The following PITPNA variants were observed in gnomAD, a reference collection of about 807,000 sequenced individuals.
PITPNA encodes the protein phosphatidylinositol transfer protein alpha isoform.
PITPNA carries 13 observed loss-of-function variants against 50.3 expected under a neutral mutation model. That is an observed-to-expected ratio of 0.26 (90% CI 0.17 to 0.41). PITPNA has a LOEUF of 0.41. PITPNA is among the 10% of genes least tolerant of loss of function. The pLI, the probability that PITPNA is intolerant of heterozygous loss-of-function variation, is 1.00. For synonymous variants in PITPNA, 120 were observed against 119.6 expected (o/e 1.00, Z -0.02); for missense variants, 207 against 333.4 (o/e 0.62, Z 2.95).
Position 1,562,464 on chromosome 17 carries a change from C to T in PITPNA, c.20+77G>A, listed in dbSNP as rs1308613520. 22 of 1,236,206 alleles carry T rather than the reference C, an allele frequency of 1.8e-5. No individual in the cohort carries two copies. The highest frequency in any genetic ancestry group is 2.4e-5 in the Non-Finnish European group (22 of 926,920). The allele number at this position is 1,236,206 out of a possible 1,614,324, so 76.6% of individuals were successfully genotyped here. A position where few individuals can be genotyped will look rare whatever the true frequency, so the allele number is the denominator to read the frequency against. ...CCCTCCGTCCATCCGGGCCCTGCGT[C>T]CCTCGCCGCGCCGTCGCCCCGGCGG... On this transcript the variant is annotated intron_variant, in intron 1 of 11. Coordinates refer to ENST00000313486, the MANE Select transcript of PITPNA (RefSeq NM_006224.4). This position sits in a 1 kb window ranked among gnomAD's most constrained non-coding sequence, Gnocchi z 6.4.
In PITPNA at chr17:1,521,565, A is replaced by C; in HGVS notation, c.*22+14T>G. ...AGCGTCTGTGACACGCACAGTGAGA[A>C]ATTTGGTACGTACAGTGCAGAGGGG... On this transcript the variant is annotated intron_variant, in intron 11 of 11. Transcript: ENST00000313486. The C allele has an allele frequency of 6.3e-7, 1 of 1,585,142 alleles. No individual in the cohort carries two copies. Among genetic ancestry groups the C allele is most frequent in the South Asian group, 1.1e-5 (1 of 90,502 alleles).
intron 3 of PITPNA, among the ~76,000 whole-genome samples, chr17:1,552,028 C>T (rs531412767): frequency 5.3e-5 from 8 of 151,950 alleles, no homozygotes; most frequent in South Asian, 2.1e-4. Flanking sequence ...CTGCTCTCCT[C>T]GCACCCTGGC....
intron 3 of PITPNA, among the ~76,000 whole-genome samples, chr17:1,550,752 G>T (rs1423543140): frequency 6.6e-6 from 1 of 151,940 alleles, no homozygotes; most frequent in African/African-American, 2.4e-5. Flanking sequence ...CTGGCTAAAA[G>T]GTCCTATAAG....
chr17:1,546,557 G>A (rs554064239), intron 4 of PITPNA, among the ~76,000 whole-genome samples: 1 of 152,284 alleles, frequency 6.6e-6, no homozygotes, highest in Admixed American at 6.5e-5. Flanking sequence ...AGCAAGTGCA[G>A]GAGGACAGGT....
intron 7 of PITPNA, among the ~76,000 whole-genome samples, chr17:1,537,397 C>T (rs1047832178): frequency 6.6e-6 from 1 of 152,140 alleles, no homozygotes; most frequent in Non-Finnish European, 1.5e-5. Context: ...CGGGGTTTCA[C>T]CATGTTGGCC....
chr17:1,553,951 G>A (rs182561392), intron 2 of PITPNA, among the ~76,000 whole-genome samples: 16 of 152,248 alleles, frequency 1.1e-4, no homozygotes, highest in East Asian at 3.9e-4. Flanking sequence ...AGTCTGTGCC[G>A]GCTGGGTGCA....
At chr17:1,530,347 G>A (rs553488280) in intron 10 of PITPNA, among the ~76,000 whole-genome samples, 12 of 150,006 alleles carry the variant, frequency 8.0e-5, no homozygotes, top group African/African-American at 2.7e-4. Flanking sequence ...GAGAAAAAAG[G>A]CAAGTTGGGG....
At chr17:1,521,281 G>C (rs1159689206) in intron 11 of PITPNA, among the ~76,000 whole-genome samples, 1 of 152,188 alleles carries the variant, frequency 6.6e-6, no homozygotes, top group Non-Finnish European at 1.5e-5. Flanking sequence ...GCTGCAACTT[G>C]AGATGGATCA....
intron 10 of PITPNA, among the ~76,000 whole-genome samples, chr17:1,533,090 T>C (rs999137052): frequency 6.6e-5 from 10 of 152,216 alleles, no homozygotes; most frequent in African/African-American, 2.4e-4. Context: ...AGTGGGCTGT[T>C]GCAAAGCAAT....
chr17:1,549,226 TCAGG>T (rs2075695043), intron 3 of PITPNA, among the ~76,000 whole-genome samples: 1 of 148,590 alleles, frequency 6.7e-6, no homozygotes, highest in African/African-American at 2.5e-5. Flanking sequence ...AATTCTTATC[TCAGG>T]TTACAGAACA....
chr17:1,540,649 C>A (rs544145356), intron 6 of PITPNA, among the ~76,000 whole-genome samples: 2 of 151,128 alleles, frequency 1.3e-5, no homozygotes, highest in African/African-American at 2.4e-5. Flanking sequence ...AGTACAGTGG[C>A]GTGATCTCGG....
intron 2 of PITPNA, among the ~76,000 whole-genome samples, chr17:1,555,320 A>G (rs1449142116): frequency 6.6e-6 from 1 of 152,160 alleles, no homozygotes; most frequent in Non-Finnish European, 1.5e-5. Flanking sequence ...CAATGAGACA[A>G]GTGAAGGCAG....
At chr17:1,524,613 A>G (rs2075535884) in intron 10 of PITPNA, among the ~76,000 whole-genome samples, 1 of 152,100 alleles carries the variant, frequency 6.6e-6, no homozygotes, top group Admixed American at 6.6e-5. Context: ...TAGGATTGTG[A>G]TGAAGATTTA....
Position 1,537,855 on chromosome 17 carries a change from C to T in PITPNA, c.456+1014G>A, listed in dbSNP as rs555008138. The stretch of plus-strand genomic sequence containing the variant: ...TCGCTGTGTCGCCCAGGCTGGAGTG[C>T]GATGGTGTGATCTCTGCTCACTGCA... On this transcript the variant is annotated intron_variant, in intron 7 of 11. Coordinates refer to ENST00000313486, the MANE Select transcript of PITPNA (RefSeq NM_006224.4). Among the ~76,000 whole-genome samples the T allele has an allele frequency of 3.9e-5, 6 of 152,080 alleles. No homozygotes were observed. In the South Asian group the frequency reaches 8.3e-4, roughly 21 times the overall value.
At chr17:1,546,704 T>C (rs747230918) in intron 4 of PITPNA, among the ~76,000 whole-genome samples, 2 of 152,114 alleles carry the variant, frequency 1.3e-5, no homozygotes, top group Non-Finnish European at 2.9e-5. Context: ...TATGAATCAG[T>C]ACCAGCTTAG....
intron 4 of PITPNA, among the ~76,000 whole-genome samples, chr17:1,544,165 A>G (rs2075661646): frequency 6.6e-6 from 1 of 152,216 alleles, no homozygotes; most frequent in African/African-American, 2.4e-5. Flanking sequence ...AGACGTGCTC[A>G]TCAATGGACC....
chr17:1,517,758 G>A lies in PITPNA; in HGVS notation c.*2803C>T, dbSNP rs1006556149. ...AGATGTGAAGAGGAGGCAGACAAAA[G>A]CAAAAGGACATCCTGTCAGTAGGAA... On this transcript the variant is annotated 3_prime_UTR_variant, in exon 12 of 12. Transcript: ENST00000313486. 3 of 152,172 alleles carry A rather than the reference G, an allele frequency of 2.0e-5. No homozygotes were observed. Among genetic ancestry groups the A allele is most frequent in the African/African-American group, 7.2e-5 (3 of 41,414 alleles). The allele number at this position is 152,172 out of a possible 1,614,324, so 9.4% of individuals were successfully genotyped here.
At chr17:1,548,941 G>A (rs949765406) in intron 3 of PITPNA, among the ~76,000 whole-genome samples, 5 of 152,062 alleles carry the variant, frequency 3.3e-5, no homozygotes, top group African/African-American at 9.7e-5. Context: ...TCCCTTTGTC[G>A]CCCAGGCTGG....
Position 1,558,769 on chromosome 17 carries a change from A to ACCCCCCCCCC in PITPNA, c.21-220_21-211dup, listed in dbSNP as rs147366133. 2.3e-3 allele frequency among the ~76,000 whole-genome samples: 52 copies of ACCCCCCCCCC among 22,704 alleles called. 1 individual carries two copies. The highest frequency in any genetic ancestry group is 3.7e-3 in the African/African-American group (15 of 4,108). 14.9% of individuals were successfully genotyped at this position (22,704 alleles called of 152,430 possible). On this transcript the variant is annotated intron_variant, in intron 1 of 11. Coordinates refer to ENST00000313486, the MANE Select transcript of PITPNA (RefSeq NM_006224.4). ...GTAAGACACTAAACTCTGTGACAACACCCCCCCCCCGCCCCCCCCCCCAGA... is the reference window on the plus strand; with the variant it reads ...GTAAGACACTAAACTCTGTGACAACACCCCCCCCCCCCCCCCCCCCGCCCCCCCCCCCAGA...
Sources: allele counts gnomAD v4.1 joint callset (sites outside exome capture counted in the v4.1 genomes callset), GRCh38; gene constraint gnomAD v4.1.1; non-coding constraint Gnocchi (gnomAD v3.1); transcripts MANE v1.5; gene names NCBI Gene and HGNC (gene_info 2026-07-23, HGNC 2026-07-21).